Variants in DEGS2 observed in about 807,000 individuals in gnomAD.
DEGS2 encodes the protein sphingolipid delta(4)-desaturase/C4-monooxygenase DES2.
DEGS2 carries 19 observed loss-of-function variants against 23.8 expected under a neutral mutation model. The observed-to-expected ratio is 0.80, with a 90% CI of 0.56 to 1.17. DEGS2 has a LOEUF of 1.17. Among genes scored for constraint, DEGS2 ranks in the 50% most tolerant of loss-of-function variants. The pLI, the probability that DEGS2 is intolerant of heterozygous loss-of-function variation, is 0.00. For missense variants in DEGS2, 390 were observed against 459.5 expected (o/e 0.85, Z 1.38); for synonymous variants, 218 against 213.7 (o/e 1.02, Z -0.18).
At chr14:100,163,978 G>A (rs972608446), upstream of DEGS2, among the ~76,000 whole-genome samples, 1 of 152,194 alleles carries the variant, frequency 6.6e-6, no homozygotes, top group African/African-American at 2.4e-5. Context: ...ACTTTGGAAG[G>A]CTGAGGTAGG....
intron 1 of DEGS2, 94 bp from the exon 2 acceptor site, chr14:100,149,804 T>C (rs1257432914): frequency 2.2e-6 from 3 of 1,356,786 alleles, no homozygotes; most frequent in African/African-American, 1.5e-5. Flanking sequence ...GGTGAGAAGG[T>C]GGGAGTGGCC....
chr14:100,151,249 C>T (rs1222987199), intron 1 of DEGS2, among the ~76,000 whole-genome samples: 1 of 152,242 alleles, frequency 6.6e-6, no homozygotes, highest in African/African-American at 2.4e-5. Flanking sequence ...CAAGCTGGTA[C>T]TATTGTCATT....
chr14:100,165,057 C>T, the DEGS2 span, among the ~76,000 whole-genome samples: 2 of 152,288 alleles, frequency 1.3e-5, no homozygotes, highest in Non-Finnish European at 2.9e-5. Context: ...TTTTCTGTGT[C>T]CTGGGGCCTA....
At chr14:100,155,107 C>T (rs553570176) in intron 1 of DEGS2, among the ~76,000 whole-genome samples, 5 of 152,178 alleles carry the variant, frequency 3.3e-5, no homozygotes, top group Admixed American at 2.6e-4. Flanking sequence ...GGGAGGTGCC[C>T]GTCACTGCCC....
In DEGS2 at chr14:100,152,762, G is replaced by A. The variant is rs1889593823; in HGVS notation, c.83-3052C>T. Among the ~76,000 whole-genome samples, 3 of 152,130 alleles carry A rather than the reference G, an allele frequency of 2.0e-5. No individual in the cohort carries two copies. The South Asian group carries it at 6.2e-4, about 31-fold the overall frequency. The stretch of plus-strand genomic sequence containing the variant: ...CCTGGTTCTGAGGCCCTCAGACTCA[G>A]ACTGAACCACGCTACCCCTACTGCC... On this transcript the variant is annotated intron_variant, in intron 1 of 2. Transcript: ENST00000305631.
In DEGS2 at chr14:100,149,876, C is replaced by T. The variant is rs139516465; in HGVS notation, c.83-166G>A. Among the ~76,000 whole-genome samples, 232 of 152,340 alleles carry T rather than the reference C, an allele frequency of 1.5e-3. 1 individual carries two copies. The highest frequency in any genetic ancestry group is 5.3e-3 in the African/African-American group (220 of 41,572). ...GCCCTGTCCCTCGAGGGCCCGCTGG[C>T]CCCCACCCTGGCCGAGCCTCATCCC... On this transcript the variant is annotated intron_variant, in intron 1 of 2. Transcript: ENST00000305631.
chr14:100,166,347 G>A, the DEGS2 span, among the ~76,000 whole-genome samples: 15 of 55,806 alleles, frequency 2.7e-4, no homozygotes, highest in African/African-American at 1.5e-3. Context: ...GCCTGCCCGG[G>A]GCTGTGGGGG....
At chr14:100,155,587 TAC>T (rs3072434) in intron 1 of DEGS2, 40,059 of 152,020 alleles carry the variant, frequency 0.26, 5,852 homozygotes, top group East Asian at 0.38. Flanking sequence ...CCCCGTACGT[TAC>T]AGAGATGGGT....
the DEGS2 span, among the ~76,000 whole-genome samples, chr14:100,166,259 G>A: frequency 9.6e-3 from 148 of 15,390 alleles, 11 homozygotes; most frequent in South Asian, 0.035. Flanking sequence ...CTGTCCGGGG[G>A]AGTGGGGGGA....
At chr14:100,147,325 G>A (rs79802293) in intron 2 of DEGS2, among the ~76,000 whole-genome samples, 91 of 152,290 alleles carry the variant, frequency 6.0e-4, no homozygotes, top group Non-Finnish European at 1.0e-3. Flanking sequence ...CTTCTGACCC[G>A]GCAGACCCCA....
chr14:100,150,112 CA>C (rs1889542404), intron 1 of DEGS2, among the ~76,000 whole-genome samples: 1 of 152,120 alleles, frequency 6.6e-6, no homozygotes, highest in Non-Finnish European at 1.5e-5. Context: ...CCAGCGCCCG[CA>C]GCAAAGTGGT....
At chr14:100,162,017 A>C (rs1355933971), upstream of DEGS2, among the ~76,000 whole-genome samples, 1 of 151,070 alleles carries the variant, frequency 6.6e-6, no homozygotes, top group Non-Finnish European at 1.5e-5. Context: ...GCACCATTGC[A>C]CTCCAGCCTG....
At chr14:100,158,460 G>C (rs913033680) in intron 1 of DEGS2, among the ~76,000 whole-genome samples, 2 of 152,148 alleles carry the variant, frequency 1.3e-5, no homozygotes, top group Non-Finnish European at 2.9e-5. Flanking sequence ...TACTCAGAAG[G>C]CTGAGGCAGG....
chr14:100,162,898 T>C (rs936393349), upstream of DEGS2, among the ~76,000 whole-genome samples: 1 of 152,198 alleles, frequency 6.6e-6, no homozygotes, highest in Admixed American at 6.5e-5. Context: ...TGCCTCGTGT[T>C]TGCAGAAAAC....
chr14:100,166,246 AGCCTGTCCGGGGGAGTGGGG>A, the DEGS2 span, among the ~76,000 whole-genome samples: 1 of 85,878 alleles, frequency 1.2e-5, no homozygotes, highest in Non-Finnish European at 2.3e-5. Flanking sequence ...GAGTGGGGGG[AGCCTGTCCGGGGGAGTGGGG>A]GGAGCCTGTC....
chr14:100,149,046 G>A lies in DEGS2; in HGVS notation c.747C>T (p.Leu249=). The change falls in exon 2 of 3, where the codon CTC becomes CTT. Residue 249 remains leucine, a synonymous_variant. Transcript: ENST00000305631. ...GHETYSYYGP[L]NWITFNVGYH... is the part of the protein sequence containing the mutation. Reference sequence around the variant, plus strand: ...AGCCCACATTGAAGGTGATCCAGTTGAGAGGCCCATAGTAGGAGTAGGTCT... The same window carrying A: ...AGCCCACATTGAAGGTGATCCAGTTAAGAGGCCCATAGTAGGAGTAGGTCT... 1 of 1,612,910 alleles carries A rather than the reference G, an allele frequency of 6.2e-7. No individual in the cohort carries two copies. Among genetic ancestry groups the A allele is most frequent in the Non-Finnish European group, 8.5e-7 (1 of 1,180,004 alleles).
At chr14:100,162,478 A>G (rs1434913672), upstream of DEGS2, among the ~76,000 whole-genome samples, 3 of 152,160 alleles carry the variant, frequency 2.0e-5, no homozygotes, top group Non-Finnish European at 4.4e-5. Flanking sequence ...GCAGATCACC[A>G]GGCTGGTCTT....
rs963092515 is a variant in DEGS2 at position 100,144,124 on chromosome 14, C to T, written c.*2637G>A. The stretch of plus-strand genomic sequence containing the variant: ...GCCGGCCCAGCGTGGCGCCACCACA[C>T]ACCGCAGAGCTGTCCAGGCACAGCT... On this transcript the variant is annotated 3_prime_UTR_variant, in exon 3 of 3. Transcript: ENST00000305631. 6.7e-6 allele frequency: 2 copies of T among 297,220 alleles called. No individual in the cohort carries two copies. The highest frequency in any genetic ancestry group is 8.4e-5 in the East Asian group (1 of 11,844). The allele number at this position is 297,220 out of a possible 1,614,324, so 18.4% of individuals were successfully genotyped here.
chr14:100,148,415 A>G (rs1889493719), intron 2 of DEGS2, among the ~76,000 whole-genome samples: 1 of 152,196 alleles, frequency 6.6e-6, no homozygotes, highest in Admixed American at 6.5e-5. Flanking sequence ...GCAATGGCTG[A>G]GGGACGGCTC....
Sources: allele counts gnomAD v4.1 joint callset (sites outside exome capture counted in the v4.1 genomes callset), GRCh38; gene constraint gnomAD v4.1.1; transcripts MANE v1.5; gene names NCBI Gene and HGNC (gene_info 2026-07-23, HGNC 2026-07-21).